CCDC39: variants seen among roughly 807,000 people sequenced by gnomAD.
CCDC39 encodes the protein coiled-coil domain-containing protein 39.
In CCDC39, 113 loss-of-function variants were observed where a neutral mutation model predicts 121.0. That is an observed-to-expected ratio of 0.93 (90% CI 0.80 to 1.09). CCDC39 has a LOEUF of 1.09. CCDC39 is among the 50% of genes least tolerant of loss of function. The pLI is 0.00. For synonymous variants in CCDC39, 349 were observed against 352.2 expected, an observed-to-expected ratio of 0.99 and a Z score of 0.10; for missense variants, 1,063 against 1,074.7, an observed-to-expected ratio of 0.99 and a Z score of 0.15.
intron 9 of CCDC39, among the ~76,000 whole-genome samples, chr3:180,649,035 T>C (rs1016284422): frequency 6.6e-6 from 1 of 152,206 alleles, no homozygotes; most frequent in African/African-American, 2.4e-5. Flanking sequence ...TGAGTATGTA[T>C]TACTTTTTTT....
intron 13 of CCDC39, among the ~76,000 whole-genome samples, chr3:180,637,449 G>T (rs1421341943): frequency 6.6e-6 from 1 of 152,184 alleles, no homozygotes. Flanking sequence ...TGAGGTTGCA[G>T]AGAAAAAGGA....
At chr3:180,674,044 A>G (rs899702386) in intron 1 of CCDC39, among the ~76,000 whole-genome samples, 1 of 152,100 alleles carries the variant, frequency 6.6e-6, no homozygotes, top group Non-Finnish European at 1.5e-5. Flanking sequence ...TGGGGATGGC[A>G]TTGAATCTGT....
At chr3:180,629,358 A>G (rs1269673623) in intron 14 of CCDC39, among the ~76,000 whole-genome samples, 3 of 152,234 alleles carry the variant, frequency 2.0e-5, no homozygotes, top group Non-Finnish European at 2.9e-5. Context: ...AAATTCATTT[A>G]CATTGTTAGC....
intron 1 of CCDC39, among the ~76,000 whole-genome samples, chr3:180,670,271 T>A (rs1242898382): frequency 6.6e-6 from 1 of 152,034 alleles, no homozygotes; most frequent in Non-Finnish European, 1.5e-5. Context: ...GTACAAGTAT[T>A]ATCATGTAAT....
At chr3:180,640,779 G>T (rs920929276) in intron 13 of CCDC39, among the ~76,000 whole-genome samples, 1 of 151,890 alleles carries the variant, frequency 6.6e-6, no homozygotes, top group Non-Finnish European at 1.5e-5. Context: ...TAAACCAATA[G>T]TTGAAAATGT....
chr3:180,617,465 C>G (rs543448659), intron 16 of CCDC39: 30 of 687,930 alleles, frequency 4.4e-5, no homozygotes, highest in South Asian at 4.1e-4. Context: ...GCATTGTTAT[C>G]ATAGATGACA....
chr3:180,650,191 C>A lies in CCDC39; in HGVS notation c.1167+1210G>T, dbSNP rs575055432. 2.6e-5 allele frequency among the ~76,000 whole-genome samples: 4 copies of A among 152,208 alleles called. No homozygotes were observed. In the South Asian group the frequency reaches 8.3e-4, roughly 32 times the overall value. ...AGTTTTCAAAGACGAAGTGGTGCAC[C>A]AGCCTTTTCCAGTTCCTCAAAAATT... On this transcript the variant is annotated intron_variant, in intron 9 of 19. Transcript: ENST00000476379.
intron 1 of CCDC39, among the ~76,000 whole-genome samples, chr3:180,677,473 T>C (rs1576957714): frequency 1.3e-5 from 2 of 151,232 alleles, no homozygotes; most frequent in South Asian, 2.1e-4. Flanking sequence ...GAAAAGGAGG[T>C]GGGAAAATGT....
At chr3:180,626,737 G>C (rs958426650) in intron 14 of CCDC39, among the ~76,000 whole-genome samples, 1 of 152,002 alleles carries the variant, frequency 6.6e-6, no homozygotes, top group Non-Finnish European at 1.5e-5. Context: ...TGGGTAACAA[G>C]TTGTGAGGAG....
rs796731853 is a variant in CCDC39 at position 180,625,725 on chromosome 3, A to G, written c.1998+5744T>C. 4.9e-4 allele frequency among the ~76,000 whole-genome samples: 74 copies of G among 151,972 alleles called. 2 individuals carry two copies. The highest frequency in any genetic ancestry group is 1.7e-3 in the African/African-American group (70 of 41,454). ...GTGCCTGTGGTAGTGTGGTCTTTGT[A>G]TGATTTCTTAGGCAGTACACAGGTT... On this transcript the variant is annotated intron_variant, in intron 14 of 19. Coordinates refer to ENST00000476379, the MANE Select transcript of CCDC39 (RefSeq NM_181426.2).
At position 180,616,281 on chromosome 3, in the gene CCDC39, C is replaced by T. The variant is rs1411654281; in HGVS notation, c.2669G>A (p.Arg890Lys). 1 of 1,612,848 alleles carries T rather than the reference C, an allele frequency of 6.2e-7. No individual in the cohort carries two copies. Among genetic ancestry groups the T allele is most frequent in the East Asian group, 2.2e-5 (1 of 44,886 alleles). The stretch of plus-strand genomic sequence containing the variant: ...GATTTTTTTTTAACCCTCCGCTTAC[C>T]TTGCTGATAGTGAAGTATGTGAAGG... Reference protein sequence around the residue: ...RSPSHTSLSARSSRSTSTSTS... With the variant: ...RSPSHTSLSAKSSRSTSTSTS... Residue 890 changes from arginine (R) to lysine (K), a missense_variant and splice_region_variant, in exon 19 of 20, where the codon AGG becomes AAG. Transcript: ENST00000476379.
intron 6 of CCDC39, among the ~76,000 whole-genome samples, chr3:180,658,185 G>T (rs1031960815): frequency 1.3e-5 from 2 of 150,886 alleles, no homozygotes; most frequent in African/African-American, 4.9e-5. Flanking sequence ...ATTGCAGTGA[G>T]CTGAGATCAC....
At chr3:180,657,050 A>T (rs1265659231) in intron 6 of CCDC39, among the ~76,000 whole-genome samples, 3 of 152,014 alleles carry the variant, frequency 2.0e-5, no homozygotes, top group African/African-American at 7.3e-5. Context: ...TACTCTGTGG[A>T]TTTGCCTCAG....
chr3:180,659,582 T>G lies in CCDC39; in HGVS notation c.610-2A>C. The stretch of plus-strand genomic sequence containing the variant: ...TTGTGCTGCTTTATCCAATTCTAAC[T>G]GTCAAACAGAGAGCAAAGAACATTT... On this transcript the variant is annotated splice_acceptor_variant, in intron 5 of 19. Transcript: ENST00000476379. LOFTEE classifies it high-confidence loss of function. 5.0e-6 allele frequency: 8 copies of G among 1,610,304 alleles called. No individual in the cohort carries two copies. The highest frequency in any genetic ancestry group is 6.8e-6 in the Non-Finnish European group (8 of 1,178,334).
Position 180,662,021 on chromosome 3 carries a change from C to T in CCDC39, c.211-14G>A, listed in dbSNP as rs916137566. On this transcript the variant is annotated splice_polypyrimidine_tract_variant and intron_variant, in intron 2 of 19. Transcript: ENST00000476379. Reference sequence around the variant, plus strand: ...TTTGCAAAGAGACTACAGAATAACACACAAGATAAAAAGGCTTTTAAAATT... The same window carrying T: ...TTTGCAAAGAGACTACAGAATAACATACAAGATAAAAAGGCTTTTAAAATT... 2 of 1,531,538 alleles carry T rather than the reference C, an allele frequency of 1.3e-6. No homozygotes were observed. The highest frequency in any genetic ancestry group is 2.2e-5 in the Admixed American group (1 of 45,332). 94.9% of individuals were successfully genotyped at this position (1,531,538 alleles called of 1,614,324 possible). A position where few individuals can be genotyped will look rare whatever the true frequency, so the allele number is the denominator to read the frequency against.
At chr3:180,666,353 A>T (rs953967083) in intron 1 of CCDC39, among the ~76,000 whole-genome samples, 1 of 152,166 alleles carries the variant, frequency 6.6e-6, no homozygotes, top group Non-Finnish European at 1.5e-5. Flanking sequence ...GGTATGTTTT[A>T]AGGTGTATGT....
chr3:180,663,975 C>T lies in CCDC39; in HGVS notation c.102G>A (p.Leu34=). ...CTTGCAAGCTTGCTCTTTCATCCTT[C>T]AGCTTTGACAACTGTAAATAATAAA... ...NKLLEDQLSK[L]KDERASLQDE... The change falls in exon 2 of 20, where the codon CTG becomes CTA. Residue 34 remains leucine, a synonymous_variant. Coordinates refer to ENST00000476379, the MANE Select transcript of CCDC39 (RefSeq NM_181426.2). 5 of 1,611,200 alleles carry T rather than the reference C, an allele frequency of 3.1e-6. No individual in the cohort carries two copies. Among genetic ancestry groups the T allele is most frequent in the Non-Finnish European group, 4.2e-6 (5 of 1,179,094 alleles).
chr3:180,619,871 G>T lies in CCDC39; in HGVS notation c.2098C>A (p.Gln700Lys). 1 of 1,609,690 alleles carries T rather than the reference G, an allele frequency of 6.2e-7. No homozygotes were observed. The highest frequency in any genetic ancestry group is 8.5e-7 in the Non-Finnish European group (1 of 1,178,188). Reference protein sequence around the residue: ...KEIYALENTLQVLNSCNNNYK... With the variant: ...KEIYALENTLKVLNSCNNNYK... Reference sequence around the variant, plus strand: ...TTGTTGTTACAGCTGTTCAGCACTTGAAGGGTATTTTCTAGAGCGTAGATT... The same window carrying T: ...TTGTTGTTACAGCTGTTCAGCACTTTAAGGGTATTTTCTAGAGCGTAGATT... Residue 700 changes from glutamine to lysine, a missense_variant, in exon 15 of 20, where the codon CAA (glutamine) becomes AAA (lysine). Coordinates refer to ENST00000476379, the MANE Select transcript of CCDC39 (RefSeq NM_181426.2).
intron 11 of CCDC39, among the ~76,000 whole-genome samples, chr3:180,646,563 CTAAG>C (rs1204589614): frequency 1.3e-5 from 2 of 152,076 alleles, no homozygotes; most frequent in African/African-American, 4.8e-5. Flanking sequence ...AATATTATAA[CTAAG>C]TAAAGATTTG....
Sources: gnomAD v4.1 joint callset for allele counts (sites outside exome capture counted in the v4.1 genomes callset) on GRCh38, gnomAD v4.1.1 for gene constraint, MANE v1.5 for transcripts, NCBI Gene and HGNC (gene_info 2026-07-23, HGNC 2026-07-21) for gene names.